OR6P1: variants seen among roughly 807,000 people sequenced by gnomAD.
The protein encoded by OR6P1 is olfactory receptor 6P1.
Under a neutral mutation model 6.6 loss-of-function variants are expected in OR6P1, and 5 were observed. The ratio of observed to expected loss-of-function variants is 0.76; its 90% CI spans 0.40 to 1.60. OR6P1 has a LOEUF of 1.60. OR6P1 is among the 40% of genes most tolerant of loss of function. OR6P1 has a pLI of 0.02. For missense variants in OR6P1, 451 were observed against 383.0 expected, an observed-to-expected ratio of 1.18 and a Z score of -1.48; for synonymous variants, 177 against 149.6, an observed-to-expected ratio of 1.18 and a Z score of -1.33.
At chr1:158,569,474 C>CT (rs1357930840) in intron 1 of OR6P1, among the ~76,000 whole-genome samples, 2 of 152,126 alleles carry the variant, frequency 1.3e-5, no homozygotes, top group Non-Finnish European at 2.9e-5. Context: ...TTTTGTTTTT[C>CT]TTTGTTTCCC....
rs1216948599 is a variant in OR6P1 at position 158,561,955 on chromosome 1, T to C, written c.*696A>G. 6.6e-6 allele frequency: 1 copy of C among 152,276 alleles called. No homozygotes were observed. The highest frequency in any genetic ancestry group is 1.5e-5 in the Non-Finnish European group (1 of 68,076). The allele number at this position is 152,276 out of a possible 1,614,324, so 9.4% of individuals were successfully genotyped here. Reference sequence around the variant, plus strand: ...TTACCTACTACCTGGTCAATATTTGTTAGGTCAACCAGCTTTACATGCCCC... The same window carrying C: ...TTACCTACTACCTGGTCAATATTTGCTAGGTCAACCAGCTTTACATGCCCC... On this transcript the variant is annotated 3_prime_UTR_variant, in exon 3 of 3. Transcript: ENST00000641540.
At chr1:158,569,690 C>T (rs1648191943) in intron 1 of OR6P1, among the ~76,000 whole-genome samples, 1 of 152,190 alleles carries the variant, frequency 6.6e-6, no homozygotes, top group Non-Finnish European at 1.5e-5. Flanking sequence ...ATTCTCACAA[C>T]AGCCCAGTGA....
intron 2 of OR6P1, 37 bp from the exon 3 acceptor site, chr1:158,563,663 G>A (rs1286168599): frequency 2.7e-6 from 3 of 1,116,680 alleles, no homozygotes; most frequent in African/African-American, 1.6e-5. Flanking sequence ...AGGTTTGAAA[G>A]ATAGCTGCAA....
chr1:158,568,094 C>T (rs1295559953), intron 1 of OR6P1, among the ~76,000 whole-genome samples: 1 of 152,144 alleles, frequency 6.6e-6, no homozygotes, highest in African/African-American at 2.4e-5. Context: ...AGAGAAATTT[C>T]TTCTCCAACC....
At position 158,561,383 on chromosome 1, in the gene OR6P1, A is replaced by T. The variant is rs1647949637; in HGVS notation, c.*1268T>A. The stretch of plus-strand genomic sequence containing the variant: ...ATCTTTTATTGTTATTTTGTTTTTA[A>T]TACTGGAAAATCTAAAATGATTGTT... On this transcript the variant is annotated 3_prime_UTR_variant, in exon 3 of 3. Transcript: ENST00000641540. 6.6e-6 allele frequency: 1 copy of T among 152,200 alleles called. No individual in the cohort carries two copies. Among genetic ancestry groups the T allele is most frequent in the South Asian group, 2.1e-4 (1 of 4,830 alleles). 9.4% of individuals were successfully genotyped at this position (152,200 alleles called of 1,614,324 possible).
chr1:158,568,726 C>T (rs899612572), intron 1 of OR6P1, among the ~76,000 whole-genome samples: 1 of 152,136 alleles, frequency 6.6e-6, no homozygotes, highest in African/African-American at 2.4e-5. Context: ...AGACACCACT[C>T]TGTTATTTTA....
At chr1:158,568,757 A>C (rs1158335375) in intron 1 of OR6P1, among the ~76,000 whole-genome samples, 1 of 152,118 alleles carries the variant, frequency 6.6e-6, no homozygotes, top group East Asian at 1.9e-4. Context: ...TTTGCACATG[A>C]ATAAACATAA....
Position 158,570,435 on chromosome 1 carries a change from G to T in OR6P1, c.-118+7C>A, listed in dbSNP as rs983721306. On this transcript the variant is annotated splice_region_variant and intron_variant, in intron 1 of 2. Coordinates refer to ENST00000641540, the MANE Select transcript of OR6P1 (RefSeq NM_001160325.2). ...GGGAATGGATGAAGGATTTGAGGGT[G>T]TCTAACCTGAATAAGAACAAAATTT... is the stretch of plus-strand genomic sequence containing the variant. 1 of 152,230 alleles carries T rather than the reference G, an allele frequency of 6.6e-6. No individual in the cohort carries two copies. Among genetic ancestry groups the T allele is most frequent in the African/African-American group, 2.4e-5 (1 of 41,456 alleles). 9.4% of individuals were successfully genotyped at this position (152,230 alleles called of 1,614,324 possible).
rs150248190 is a variant in OR6P1 at position 158,562,358 on chromosome 1, G to A, written c.*293C>T. The A allele has an allele frequency of 6.9e-4, 226 of 326,640 alleles. 2 individuals carry two copies. Among genetic ancestry groups the A allele is most frequent in the South Asian group, 2.8e-3 (78 of 27,528 alleles). 20.2% of individuals were successfully genotyped at this position (326,640 alleles called of 1,614,324 possible). ...CCAGGAAGTTTTGAATATTATTCAC[G>A]GCAGGGTTACATTCCACACATACTC... On this transcript the variant is annotated 3_prime_UTR_variant, in exon 3 of 3. Transcript: ENST00000641540.
rs1016811111 is a variant in OR6P1 at position 158,562,398 on chromosome 1, C to T, written c.*253G>A. On this transcript the variant is annotated 3_prime_UTR_variant, in exon 3 of 3. Coordinates refer to ENST00000641540, the MANE Select transcript of OR6P1 (RefSeq NM_001160325.2). ...CACACATACTCAGTAAGACTCTCCACATATTTTTTTGGGGGAATCTGTATT... is the reference window on the plus strand; with the variant it reads ...CACACATACTCAGTAAGACTCTCCATATATTTTTTTGGGGGAATCTGTATT... 6.5e-6 allele frequency: 3 copies of T among 464,766 alleles called. No homozygotes were observed. The South Asian group carries it at 7.1e-5, about 11-fold the overall frequency. The allele number at this position is 464,766 out of a possible 1,614,324, so 28.8% of individuals were successfully genotyped here.
rs1308845511 is a variant in OR6P1, at chr1:158,566,780, G to C, written c.-39C>G. On this transcript the variant is annotated 5_prime_UTR_variant, in exon 2 of 3. Transcript: ENST00000641540. ...CCAACCTACCAGGGTCAGTCCTGAG[G>C]GATGTGGGAAAGTTGTTGGAAAACG... 2 of 152,118 alleles carry C rather than the reference G, an allele frequency of 1.3e-5. No homozygotes were observed. Among genetic ancestry groups the C allele is most frequent in the African/African-American group, 2.4e-5 (1 of 41,426 alleles). 9.4% of individuals were successfully genotyped at this position (152,118 alleles called of 1,614,324 possible). A position where few individuals can be genotyped will look rare whatever the true frequency, so the allele number is the denominator to read the frequency against.
chr1:158,566,388 A>G (rs1648096324), intron 2 of OR6P1, among the ~76,000 whole-genome samples: 1 of 152,216 alleles, frequency 6.6e-6, no homozygotes, highest in African/African-American at 2.4e-5. Flanking sequence ...GGTTAGGGAC[A>G]GGGTAGGAAG....
intron 1 of OR6P1, among the ~76,000 whole-genome samples, chr1:158,567,311 T>C (rs1017586409): frequency 1.3e-5 from 2 of 151,994 alleles, no homozygotes; most frequent in Admixed American, 6.6e-5. Flanking sequence ...CCCAAAGGAC[T>C]ATAAATCATG....
chr1:158,567,259 A>G (rs1181820693), intron 1 of OR6P1, among the ~76,000 whole-genome samples: 1 of 152,174 alleles, frequency 6.6e-6, no homozygotes, highest in Non-Finnish European at 1.5e-5. Flanking sequence ...ATCTAGAACC[A>G]GAAATACCAT....
At position 158,563,104 on chromosome 1, in the gene OR6P1, G is replaced by C. The variant is rs143947332; in HGVS notation, c.501C>G (p.Ser167=). 2 of 1,551,714 alleles carry C rather than the reference G, an allele frequency of 1.3e-6. No homozygotes were observed. Among genetic ancestry groups the C allele is most frequent in the Admixed American group, 2.0e-5 (1 of 50,992 alleles). Residue 167 remains serine, a synonymous_variant, in exon 3 of 3, where the codon TCC becomes TCG. Coordinates refer to ENST00000641540, the MANE Select transcript of OR6P1 (RefSeq NM_001160325.2). ...MMKLLFISQL[S]YCGPNIINHF... is the part of the protein sequence containing the mutation. ...GGTTGATAATGTTGGGTCCACAGTA[G>C]GACAATTGGGAAATAAAAAGAAGCT...
intron 2 of OR6P1, 42 bp downstream of exon 2, chr1:158,566,722 C>T (rs1395911098): frequency 6.6e-6 from 1 of 152,104 alleles, no homozygotes; most frequent in Non-Finnish European, 1.5e-5. Context: ...GGGTTCTTTT[C>T]CAGTTATTGC....
chr1:158,567,849 T>A (rs533598789), intron 1 of OR6P1, among the ~76,000 whole-genome samples: 11 of 149,414 alleles, frequency 7.4e-5, no homozygotes, highest in South Asian at 2.1e-4. Context: ...AAAAAAGAAA[T>A]TTACTGACTG....
At position 158,562,145 on chromosome 1, in the gene OR6P1, A is replaced by G. The variant is rs1476840452; in HGVS notation, c.*506T>C. 2 of 157,632 alleles carry G rather than the reference A, an allele frequency of 1.3e-5. No homozygotes were observed. The highest frequency in any genetic ancestry group is 2.8e-5 in the Non-Finnish European group (2 of 72,268). The allele number at this position is 157,632 out of a possible 1,614,324, so 9.8% of individuals were successfully genotyped here. Reference sequence around the variant, plus strand: ...GTCTTGGGGTATAACCTACTTGTGTAGTTTCTTATGAAAGTGGGATTTGAG... The same window carrying G: ...GTCTTGGGGTATAACCTACTTGTGTGGTTTCTTATGAAAGTGGGATTTGAG... On this transcript the variant is annotated 3_prime_UTR_variant, in exon 3 of 3. Transcript: ENST00000641540.
chr1:158,565,131 G>A (rs779705099), intron 2 of OR6P1, among the ~76,000 whole-genome samples: 1 of 151,980 alleles, frequency 6.6e-6, no homozygotes, highest in Non-Finnish European at 1.5e-5. Flanking sequence ...CAAACTCCTG[G>A]GCTCAAGGAA....
Sources: gnomAD v4.1 joint callset for allele counts (sites outside exome capture counted in the v4.1 genomes callset) on GRCh38, gnomAD v4.1.1 for gene constraint, MANE v1.5 for transcripts, NCBI Gene and HGNC (gene_info 2026-07-23, HGNC 2026-07-21) for gene names.